Variants in TTLL5 observed in about 807,000 individuals in gnomAD.
TTLL5 encodes the protein tubulin tyrosine ligase like 5.
A neutral mutation model predicts 168.4 loss-of-function variants in TTLL5; 132 were observed. The observed-to-expected ratio is 0.78, with a 90% confidence interval of 0.68 to 0.91. TTLL5 has a LOEUF of 0.91. TTLL5 is among the 40% of genes least tolerant of loss of function. TTLL5 has a pLI of 0.00. For synonymous variants in TTLL5, 546 were observed against 558.6 expected (o/e 0.98, Z 0.32); for missense variants, 1,545 against 1,581.5 (o/e 0.98, Z 0.39).
At chr14:75,882,230 G>A (rs2031855993) in intron 29 of TTLL5, among the ~76,000 whole-genome samples, 1 of 152,104 alleles carries the variant, frequency 6.6e-6, no homozygotes, top group Non-Finnish European at 1.5e-5. Context: ...CTTGCCTCCT[G>A]CCTGCAAACT....
In TTLL5 at chr14:75,809,529, T is replaced by C. The variant is rs571006719; in HGVS notation, c.3172-10478T>C. ...TGTGTTATGATCAAGTCAGAGTAAT[T>C]GGGATATCCGTTGCTTCAAAGATTT... On this transcript the variant is annotated intron_variant, in intron 27 of 31. Transcript: ENST00000298832. Among the ~76,000 whole-genome samples, 107 of 152,348 alleles carry C rather than the reference T, an allele frequency of 7.0e-4. 1 individual carries two copies. The highest frequency in any genetic ancestry group is 2.4e-3 in the African/African-American group (99 of 41,580).
At chr14:75,837,803 A>G (rs1319470288) in intron 28 of TTLL5, among the ~76,000 whole-genome samples, 1 of 152,112 alleles carries the variant, frequency 6.6e-6, no homozygotes, top group African/African-American at 2.4e-5. Flanking sequence ...ATAATATAAA[A>G]TATTTCATTA....
At chr14:75,816,974 ATT>A (rs35736530) in intron 27 of TTLL5, among the ~76,000 whole-genome samples, 7 of 96,090 alleles carry the variant, frequency 7.3e-5, no homozygotes, top group African/African-American at 1.7e-4. Flanking sequence ...TCCCTGTCTT[ATT>A]TTTTTTTTTT....
intron 30 of TTLL5, among the ~76,000 whole-genome samples, chr14:75,893,982 G>A (rs1420165598): frequency 2.6e-5 from 4 of 152,042 alleles, no homozygotes; most frequent in Admixed American, 6.6e-5. Flanking sequence ...CAACAAATCC[G>A]TAAAATGTCA....
chr14:75,816,464 A>G (rs1043187103), intron 27 of TTLL5, among the ~76,000 whole-genome samples: 5 of 152,218 alleles, frequency 3.3e-5, no homozygotes, highest in African/African-American at 4.8e-5. Context: ...TGAGTGTTCC[A>G]TAAGTGGTAA....
intron 31 of TTLL5, among the ~76,000 whole-genome samples, chr14:75,928,210 A>T (rs2034141369): frequency 6.6e-6 from 1 of 151,968 alleles, no homozygotes; most frequent in Non-Finnish European, 1.5e-5. Context: ...TAGGGAAAGC[A>T]GCATTTCATT....
chr14:75,734,709 A>G (rs906323188), intron 14 of TTLL5, among the ~76,000 whole-genome samples: 1 of 152,244 alleles, frequency 6.6e-6, no homozygotes, highest in Non-Finnish European at 1.5e-5. Flanking sequence ...AAAGCCATAG[A>G]TAATCTACAA....
At chr14:75,791,105 CAAAAAAA>C (rs372035829) in intron 26 of TTLL5, among the ~76,000 whole-genome samples, 1 of 77,276 alleles carries the variant, frequency 1.3e-5, no homozygotes, top group Non-Finnish European at 2.2e-5. Context: ...GACTCTGTCT[CAAAAAAA>C]AAAAAAAAAA....
At chr14:75,817,009 TCTCGC>T (rs1457635546) in intron 27 of TTLL5, among the ~76,000 whole-genome samples, 1 of 122,740 alleles carries the variant, frequency 8.1e-6, no homozygotes, top group African/African-American at 3.2e-5. Flanking sequence ...GAGACAAGAG[TCTCGC>T]TCTGTCGCCA....
chr14:75,886,611 G>T (rs758710265), intron 30 of TTLL5: 8 of 1,443,642 alleles, frequency 5.5e-6, no homozygotes, highest in South Asian at 1.2e-5. Context: ...TGAAGGGAAT[G>T]ATTTAAAATT....
chr14:75,754,251 G>T (rs1890116271), intron 18 of TTLL5, among the ~76,000 whole-genome samples: 1 of 152,120 alleles, frequency 6.6e-6, no homozygotes, highest in Admixed American at 6.5e-5. Context: ...TGGATGTAAT[G>T]TCTTTTCAGA....
chr14:75,872,782 A>G lies in TTLL5; in HGVS notation c.3522+8920A>G, dbSNP rs553256978. On this transcript the variant is annotated intron_variant, in intron 29 of 31. Coordinates refer to ENST00000298832, the MANE Select transcript of TTLL5 (RefSeq NM_015072.5). The stretch of plus-strand genomic sequence containing the variant: ...AAAAATTAGCTGTGCGTGGTTGCGC[A>G]TGCCTGTAATCCCAGCTACTCAGGA... 5.9e-5 allele frequency among the ~76,000 whole-genome samples: 9 copies of G among 151,922 alleles called. No individual in the cohort carries two copies. In the South Asian group the frequency reaches 1.5e-3, roughly 25 times the overall value.
intron 29 of TTLL5, among the ~76,000 whole-genome samples, chr14:75,865,206 A>G (rs1248632451): frequency 5.9e-5 from 9 of 151,846 alleles, no homozygotes; most frequent in Non-Finnish European, 1.2e-4. Context: ...AGGATAGTAG[A>G]CACATTTAAG....
chr14:75,690,616 T>C (rs1282575971), intron 6 of TTLL5, among the ~76,000 whole-genome samples: 2 of 138,166 alleles, frequency 1.4e-5, no homozygotes, highest in African/African-American at 5.0e-5. Flanking sequence ...TTAGTGCCTA[T>C]GTAAGTATTA....
intron 28 of TTLL5, among the ~76,000 whole-genome samples, chr14:75,841,567 A>G (rs965280526): frequency 3.9e-5 from 6 of 152,152 alleles, no homozygotes; most frequent in African/African-American, 1.4e-4. Flanking sequence ...CATATGATCT[A>G]CTTCCCTAAG....
intron 26 of TTLL5, among the ~76,000 whole-genome samples, chr14:75,790,825 G>A (rs541525962): frequency 1.8e-4 from 27 of 150,236 alleles, no homozygotes; most frequent in East Asian, 4.0e-4. Flanking sequence ...GGCCGGGTGC[G>A]GTGGCTCACG....
chr14:75,773,366 A>G (rs1263373496), intron 21 of TTLL5, among the ~76,000 whole-genome samples: 3 of 152,232 alleles, frequency 2.0e-5, no homozygotes, highest in African/African-American at 7.2e-5. Flanking sequence ...GAGTAGAACT[A>G]TGAAATTCAA....
At chr14:75,872,541 GAC>G (rs891243814) in intron 29 of TTLL5, among the ~76,000 whole-genome samples, 2 of 152,064 alleles carry the variant, frequency 1.3e-5, no homozygotes, top group Non-Finnish European at 2.9e-5. Flanking sequence ...ATGATGAGGA[GAC>G]ACAGGTCATA....
At chr14:75,709,290 C>CTT in intron 9 of TTLL5, 1 of 729,850 alleles carries the variant, frequency 1.4e-6, no homozygotes. Flanking sequence ...TTAGAATGGT[C>CTT]TTTTAATGAT....
Sources: allele counts gnomAD v4.1 joint callset (sites outside exome capture counted in the v4.1 genomes callset), GRCh38; gene constraint gnomAD v4.1.1; transcripts MANE v1.5; gene names NCBI Gene and HGNC (gene_info 2026-07-23, HGNC 2026-07-21).